OPCML: variants seen among roughly 807,000 people sequenced by gnomAD.
The protein encoded by OPCML is opioid binding protein/cell adhesion molecule like.
Under a neutral mutation model 37.8 loss-of-function variants are expected in OPCML, and 13 were observed. The observed-to-expected ratio is 0.34, with a 90% CI of 0.22 to 0.55. The LOEUF (loss-of-function observed/expected upper bound fraction) is 0.55, where lower values mean the gene tolerates loss of function less well. Among genes scored for constraint, OPCML ranks in the 20% least tolerant of loss-of-function variants. The pLI is 0.91. For missense variants in OPCML, 341 were observed against 435.6 expected (o/e 0.78, Z 1.93); for synonymous variants, 176 against 168.8 (o/e 1.04, Z -0.33).
At chr11:132,960,219 G>A (rs552239126) in intron 1 of OPCML, among the ~76,000 whole-genome samples, 3 of 152,254 alleles carry the variant, frequency 2.0e-5, no homozygotes, top group Admixed American at 2.0e-4. Context: ...CCCAATAACC[G>A]TAACTTTACG....
At chr11:133,417,248 G>A (rs536867878) in intron 1 of OPCML, among the ~76,000 whole-genome samples, 52 of 152,302 alleles carry the variant, frequency 3.4e-4, no homozygotes, top group Non-Finnish European at 5.9e-4. Context: ...ATTCATAGAA[G>A]TGCAGGTCAA....
At chr11:133,390,691 G>A (rs1945157053) in intron 1 of OPCML, among the ~76,000 whole-genome samples, 1 of 152,154 alleles carries the variant, frequency 6.6e-6, no homozygotes, top group Admixed American at 6.5e-5. Context: ...GGCTTAGCAT[G>A]CAATGTGAAT....
intron 1 of OPCML, chr11:133,298,471 T>C (rs1942687757): frequency 6.6e-6 from 1 of 152,152 alleles, no homozygotes; most frequent in South Asian, 2.1e-4. Flanking sequence ...TAGTTGCTAT[T>C]ATTCATTTTT....
chr11:132,855,250 C>G (rs1942009040), intron 2 of OPCML, among the ~76,000 whole-genome samples: 1 of 152,156 alleles, frequency 6.6e-6, no homozygotes, highest in African/African-American at 2.4e-5. Context: ...TCACTCATGA[C>G]CCAGAGGTGG....
intron 2 of OPCML, among the ~76,000 whole-genome samples, chr11:132,828,257 G>A (rs569619927): frequency 3.5e-4 from 54 of 152,220 alleles, no homozygotes; most frequent in Non-Finnish European, 3.1e-4. Context: ...GGATGAGCGC[G>A]TGGAACACAG....
intron 1 of OPCML, chr11:133,301,142 A>G (rs1414832885): frequency 6.6e-6 from 1 of 151,846 alleles, no homozygotes. Context: ...GATTCTAACA[A>G]CTCTCCTTTC....
At chr11:133,331,073 G>C (rs924418515) in intron 1 of OPCML, among the ~76,000 whole-genome samples, 2 of 151,868 alleles carry the variant, frequency 1.3e-5, no homozygotes, top group African/African-American at 4.8e-5. Context: ...GAGGATCCAG[G>C]AGTAAAACTG....
At chr11:133,306,010 C>A (rs185624774) in intron 1 of OPCML, among the ~76,000 whole-genome samples, 3 of 152,142 alleles carry the variant, frequency 2.0e-5, no homozygotes, top group Non-Finnish European at 4.4e-5. Context: ...GCCTTAAGAG[C>A]CTTTGAAAGC....
At chr11:132,588,835 C>T (rs2096478802) in intron 3 of OPCML, among the ~76,000 whole-genome samples, 3 of 152,338 alleles carry the variant, frequency 2.0e-5, no homozygotes, top group Admixed American at 6.5e-5. Context: ...GCCTTCTTCA[C>T]TTCTGTACAG....
At chr11:132,541,471 C>A (rs1183331651) in intron 3 of OPCML, among the ~76,000 whole-genome samples, 1 of 151,394 alleles carries the variant, frequency 6.6e-6, no homozygotes, top group African/African-American at 2.4e-5. Context: ...CAGTGTCTGG[C>A]ACATAGTAAA....
chr11:132,625,803 A>G (rs923092156), intron 3 of OPCML, among the ~76,000 whole-genome samples: 3 of 152,086 alleles, frequency 2.0e-5, no homozygotes, highest in African/African-American at 7.2e-5. Context: ...TGTGAGGAAG[A>G]ACAGCCATAC....
intron 4 of OPCML, among the ~76,000 whole-genome samples, chr11:132,519,290 T>C (rs1422255938): frequency 6.6e-6 from 1 of 152,158 alleles, no homozygotes; most frequent in Non-Finnish European, 1.5e-5. Flanking sequence ...GAAGGCATTA[T>C]GAATCTACAT....
At chr11:132,820,899 T>A (rs1017780979) in intron 2 of OPCML, among the ~76,000 whole-genome samples, 1 of 152,328 alleles carries the variant, frequency 6.6e-6, no homozygotes, top group East Asian at 1.9e-4. Flanking sequence ...TTATTATAGA[T>A]ACATAGCATG....
intron 2 of OPCML, among the ~76,000 whole-genome samples, chr11:132,736,993 A>G (rs1203534349): frequency 6.6e-6 from 1 of 152,216 alleles, no homozygotes; most frequent in East Asian, 1.9e-4. Context: ...TTGTCGTGGA[A>G]TAGGAATGAT....
chr11:133,197,638 G>A (rs149362270), intron 1 of OPCML, among the ~76,000 whole-genome samples: 260 of 152,310 alleles, frequency 1.7e-3, no homozygotes, highest in African/African-American at 5.8e-3. Context: ...TCTTCTCTCT[G>A]GAAGGCTGAC....
intron 1 of OPCML, among the ~76,000 whole-genome samples, chr11:133,043,085 C>G (rs1189409519): frequency 6.6e-6 from 1 of 152,104 alleles, no homozygotes; most frequent in Non-Finnish European, 1.5e-5. Context: ...ACACTTGGAC[C>G]CCTGGGCAGC....
intron 2 of OPCML, among the ~76,000 whole-genome samples, chr11:132,870,454 C>T (rs1345203355): frequency 1.3e-5 from 2 of 151,848 alleles, no homozygotes; most frequent in African/African-American, 4.8e-5. Flanking sequence ...GATGACAGTT[C>T]TTCAAAAAAT....
intron 1 of OPCML, among the ~76,000 whole-genome samples, chr11:133,204,884 A>ATATGTGTG (rs374646818): frequency 1.8e-3 from 64 of 36,268 alleles, no homozygotes; most frequent in African/African-American, 5.1e-3. Context: ...ATATATATAT[A>ATATGTGTG]TATATATATA....
intron 1 of OPCML, among the ~76,000 whole-genome samples, chr11:132,990,171 T>C (rs963857822): frequency 6.6e-6 from 1 of 152,162 alleles, no homozygotes; most frequent in Non-Finnish European, 1.5e-5. Context: ...TCCAGAAAGA[T>C]GCTTTCCAGA....
Sources: allele counts gnomAD v4.1 joint callset (sites outside exome capture counted in the v4.1 genomes callset), GRCh38; gene constraint gnomAD v4.1.1; transcripts MANE v1.5; gene names NCBI Gene and HGNC (gene_info 2026-07-23, HGNC 2026-07-21).